PDS5A: variants seen among roughly 807,000 people sequenced by gnomAD.
PDS5A encodes the protein sister chromatid cohesion protein PDS5 homolog A.
In PDS5A, 42 loss-of-function variants were observed where a neutral mutation model predicts 167.1. The observed-to-expected ratio is 0.25, with a 90% CI of 0.20 to 0.33. The LOEUF (loss-of-function observed/expected upper bound fraction) is 0.33. PDS5A is among the 10% of genes least tolerant of loss of function. PDS5A has a pLI of 1.00. For missense variants in PDS5A, 1,033 were observed against 1,605.9 expected (o/e 0.64, Z 6.10); for synonymous variants, 553 against 554.6 (o/e 1.00, Z 0.04).
intron 32 of PDS5A, 166 bp downstream of exon 32, chr4:39,837,690 G>A: frequency 4.0e-6 from 2 of 501,384 alleles, no homozygotes; most frequent in Non-Finnish European, 6.9e-6. Flanking sequence ...CCTTAAAACT[G>A]GAAGTTATGA....
chr4:39,836,337 T>A (rs1464078464), intron 32 of PDS5A, among the ~76,000 whole-genome samples: 1 of 152,248 alleles, frequency 6.6e-6, no homozygotes, highest in Non-Finnish European at 1.5e-5. Flanking sequence ...TTGAGCCTTC[T>A]GGATCAGATG....
chr4:39,884,326 T>A (rs1721224275), intron 17 of PDS5A, among the ~76,000 whole-genome samples: 1 of 152,218 alleles, frequency 6.6e-6, no homozygotes, highest in Non-Finnish European at 1.5e-5. Context: ...GTGACAAGGC[T>A]ATGTATCCCT....
intron 2 of PDS5A, among the ~76,000 whole-genome samples, chr4:39,959,115 T>C (rs555209844): frequency 4.5e-4 from 69 of 152,258 alleles, no homozygotes; most frequent in South Asian, 1.5e-3. Flanking sequence ...AACCACATAA[T>C]TGGCACTCAC....
Position 39,898,449 on chromosome 4 carries a change from C to A in PDS5A, c.1710G>T (p.Arg570=), listed in dbSNP as rs1722607208. The stretch of plus-strand genomic sequence containing the variant: ...GGCTAATTAATAACTCCAACTGAGA[C>A]CGAAGTTTCTCATCATCGCCGAGAA... ...NQVLGDDEKL[R]SQLELLISPT... is the part of the protein sequence containing the mutation. The change falls in exon 16 of 33, where the codon CGG becomes CGT. Residue 570 remains arginine, a synonymous_variant. Transcript: ENST00000303538. 1.3e-6 allele frequency: 2 copies of A among 1,598,744 alleles called. No individual in the cohort carries two copies. Among genetic ancestry groups the A allele is most frequent in the African/African-American group, 2.7e-5 (2 of 74,618 alleles).
intron 28 of PDS5A, chr4:39,848,650 T>C (rs1162532114): frequency 6.0e-6 from 3 of 499,506 alleles, no homozygotes; most frequent in Non-Finnish European, 1.1e-5. Context: ...AGAATAAACA[T>C]AAGATCAACA....
intron 32 of PDS5A, among the ~76,000 whole-genome samples, chr4:39,833,729 A>C (rs148735829): frequency 3.9e-5 from 6 of 152,266 alleles, no homozygotes; most frequent in African/African-American, 1.4e-4. Context: ...GATGTTGAAC[A>C]TCATGCCCTC....
intron 2 of PDS5A, among the ~76,000 whole-genome samples, chr4:39,957,915 G>A (rs1408004335): frequency 1.3e-5 from 2 of 152,106 alleles, no homozygotes; most frequent in Non-Finnish European, 2.9e-5. Context: ...CAGCACTTTG[G>A]GAGACTGAGG....
At chr4:39,954,432 C>T (rs1285337779) in intron 2 of PDS5A, among the ~76,000 whole-genome samples, 1 of 151,952 alleles carries the variant, frequency 6.6e-6, no homozygotes, top group Non-Finnish European at 1.5e-5. Flanking sequence ...GAGTCTCCTG[C>T]CTCGGCCTCC....
chr4:39,845,978 G>C (rs1717553813), intron 28 of PDS5A, 98 bp from the exon 29 acceptor site: 1 of 998,256 alleles, frequency 1.0e-6, no homozygotes, highest in African/African-American at 1.7e-5. Context: ...ATTGTGCCTT[G>C]CAATAATAAA....
intron 17 of PDS5A, among the ~76,000 whole-genome samples, chr4:39,882,066 G>A (rs1324507211): frequency 2.0e-5 from 3 of 152,154 alleles, no homozygotes; most frequent in Admixed American, 2.0e-4. Context: ...GGAACTGCAA[G>A]TTCATTAAAA....
intron 10 of PDS5A, among the ~76,000 whole-genome samples, chr4:39,909,423 A>G (rs936739996): frequency 1.3e-5 from 2 of 152,196 alleles, no homozygotes; most frequent in African/African-American, 4.8e-5. Context: ...CCATGCCCAT[A>G]GTTACATTTT....
intron 7 of PDS5A, 32 bp from the exon 8 acceptor site, chr4:39,917,220 A>T: frequency 7.0e-7 from 1 of 1,423,874 alleles, no homozygotes; most frequent in South Asian, 1.4e-5. Flanking sequence ...AAAAGAAAAC[A>T]TCCAGTTCAT....
chr4:39,941,331 AATC>A (rs1345721601), intron 2 of PDS5A, among the ~76,000 whole-genome samples: 1 of 152,234 alleles, frequency 6.6e-6, no homozygotes, highest in African/African-American at 2.4e-5. Context: ...GAGCAACAAA[AATC>A]AACCTGTCAG....
intron 2 of PDS5A, among the ~76,000 whole-genome samples, chr4:39,956,490 CAA>C (rs71194945): frequency 0.067 from 6,150 of 92,316 alleles, 203 homozygotes; most frequent in Admixed American, 0.17. Flanking sequence ...GAGACTGTCT[CAA>C]AAAAAAAAAA....
intron 7 of PDS5A, among the ~76,000 whole-genome samples, chr4:39,917,952 C>T (rs536311829): frequency 2.6e-5 from 4 of 151,980 alleles, no homozygotes; most frequent in Non-Finnish European, 5.9e-5. Context: ...AGCCGAGGCA[C>T]GACAATCTTG....
intron 22 of PDS5A, chr4:39,868,846 A>C: frequency 2.8e-6 from 1 of 351,342 alleles, no homozygotes; most frequent in South Asian, 2.2e-5. Context: ...ACACAAAGTG[A>C]AACAGATTAT....
chr4:39,909,344 T>C (rs573974373), intron 10 of PDS5A, among the ~76,000 whole-genome samples: 110 of 152,254 alleles, frequency 7.2e-4, no homozygotes, highest in African/African-American at 2.6e-3. Flanking sequence ...AGGCTAGTCT[T>C]GACCTCCTGG....
At chr4:39,903,102 C>A (rs556482781) in intron 12 of PDS5A, among the ~76,000 whole-genome samples, 1 of 152,190 alleles carries the variant, frequency 6.6e-6, no homozygotes, top group Non-Finnish European at 1.5e-5. Context: ...AATTCATTAA[C>A]GCAACATATA....
intron 2 of PDS5A, among the ~76,000 whole-genome samples, chr4:39,942,959 T>C (rs1727359912): frequency 6.6e-6 from 1 of 152,076 alleles, no homozygotes; most frequent in South Asian, 2.1e-4. Flanking sequence ...GGCTGTGTTT[T>C]ACATATTGCA....
Sources: allele counts gnomAD v4.1 joint callset (sites outside exome capture counted in the v4.1 genomes callset), GRCh38; gene constraint gnomAD v4.1.1; transcripts MANE v1.5; gene names NCBI Gene and HGNC (gene_info 2026-07-23, HGNC 2026-07-21).